Variants in AFG1L observed in about 807,000 individuals in gnomAD.
The protein encoded by AFG1L is AFG1-like ATPase.
A neutral mutation model predicts 62.2 loss-of-function variants in AFG1L; 53 were observed. The observed-to-expected ratio is 0.85, with a 90% CI of 0.68 to 1.07. The LOEUF is 1.07. AFG1L is among the 50% of genes least tolerant of loss of function. The pLI, the probability that AFG1L is intolerant of heterozygous loss-of-function variation, is 0.00. For synonymous variants in AFG1L, 228 were observed against 210.3 expected (o/e 1.08, Z -0.73); for missense variants, 555 against 590.5 (o/e 0.94, Z 0.62).
intron 8 of AFG1L, among the ~76,000 whole-genome samples, chr6:108,450,097 A>C (rs1017134418): frequency 6.6e-5 from 10 of 152,230 alleles, no homozygotes; most frequent in African/African-American, 1.7e-4. Context: ...CATGATTTAT[A>C]ATCCTTTGGG....
rs139833196 is a variant in AFG1L, at chr6:108,348,059, G to C, written c.415+1020G>C. Among the ~76,000 whole-genome samples, 1,383 of 152,014 alleles carry C rather than the reference G, an allele frequency of 9.1e-3. 23 individuals carry two copies. Among genetic ancestry groups the C allele is most frequent in the African/African-American group, 0.032 (1,330 of 41,448 alleles). On this transcript the variant is annotated intron_variant, in intron 3 of 12. Coordinates refer to ENST00000368977, the MANE Select transcript of AFG1L (RefSeq NM_145315.5). ...AAAAAAAAAGGGCATTGAATAAGTA[G>C]GTTTTGTTTTGTTTTTGTTTTTGTT...
intron 1 of AFG1L, among the ~76,000 whole-genome samples, chr6:108,312,552 G>C (rs1221785051): frequency 6.6e-6 from 1 of 151,986 alleles, no homozygotes; most frequent in Non-Finnish European, 1.5e-5. Context: ...GAGAGACCTT[G>C]TCTCTAAAAT....
At chr6:108,478,895 CG>C (rs148447223) in intron 10 of AFG1L, among the ~76,000 whole-genome samples, 1 of 151,902 alleles carries the variant, frequency 6.6e-6, no homozygotes, top group Admixed American at 6.6e-5. Context: ...ATTTACTGTC[CG>C]GGGGTGATGG....
intron 7 of AFG1L, among the ~76,000 whole-genome samples, chr6:108,437,555 G>A (rs898884584): frequency 6.6e-6 from 1 of 152,014 alleles, no homozygotes; most frequent in Non-Finnish European, 1.5e-5. Flanking sequence ...TATGAGATGA[G>A]CAGACATTTT....
At chr6:108,335,821 TATAA>T (rs894661586) in intron 2 of AFG1L, among the ~76,000 whole-genome samples, 3 of 152,248 alleles carry the variant, frequency 2.0e-5, no homozygotes, top group African/African-American at 7.2e-5. Flanking sequence ...CACAGGAACT[TATAA>T]ATGTTTGTGA....
intron 7 of AFG1L, among the ~76,000 whole-genome samples, chr6:108,438,615 T>C (rs890406175): frequency 2.0e-5 from 3 of 152,152 alleles, no homozygotes; most frequent in African/African-American, 7.2e-5. Flanking sequence ...AAAAAAAATA[T>C]TGCCTTGCCC....
intron 11 of AFG1L, among the ~76,000 whole-genome samples, chr6:108,514,357 A>G (rs1231863687): frequency 5.9e-5 from 9 of 152,322 alleles, no homozygotes; most frequent in East Asian, 5.8e-4. Flanking sequence ...ATTCTTAAAG[A>G]AAAGAATTTT....
chr6:108,523,306 C>G lies in AFG1L; in HGVS notation c.*881C>G, dbSNP rs2114925761. ...AGACACTTGCTCTCCTTGCAGCATG[C>G]TGCCCCCGCCCTTGCCGCCAACTCT... On this transcript the variant is annotated 3_prime_UTR_variant, in exon 13 of 13. Transcript: ENST00000368977. 1 of 152,456 alleles carries G rather than the reference C, an allele frequency of 6.6e-6. No homozygotes were observed. Among genetic ancestry groups the G allele is most frequent in the Non-Finnish European group, 1.5e-5 (1 of 68,140 alleles). The allele number at this position is 152,456 out of a possible 1,614,324, so 9.4% of individuals were successfully genotyped here. A position where few individuals can be genotyped will look rare whatever the true frequency, so the allele number is the denominator to read the frequency against.
intron 1 of AFG1L, among the ~76,000 whole-genome samples, chr6:108,311,483 CTTTTG>C (rs758496562): frequency 2.0e-5 from 3 of 152,018 alleles, no homozygotes; most frequent in Non-Finnish European, 4.4e-5. Flanking sequence ...TTGTGTCTAC[CTTTTG>C]TTTTGTTTTG....
At chr6:108,354,717 G>A (rs138381741) in intron 3 of AFG1L, among the ~76,000 whole-genome samples, 11 of 152,204 alleles carry the variant, frequency 7.2e-5, no homozygotes, top group African/African-American at 1.9e-4. Context: ...GGGATGGAAC[G>A]GGGTGACATG....
intron 7 of AFG1L, among the ~76,000 whole-genome samples, chr6:108,440,670 A>C (rs983288374): frequency 1.3e-5 from 2 of 151,584 alleles, no homozygotes; most frequent in Non-Finnish European, 2.9e-5. Flanking sequence ...AAATACAAAA[A>C]TTAGCCGGGC....
At chr6:108,443,495 GA>G (rs1771631896) in intron 7 of AFG1L, among the ~76,000 whole-genome samples, 1 of 152,210 alleles carries the variant, frequency 6.6e-6, no homozygotes, top group Non-Finnish European at 1.5e-5. Context: ...CACATTGTAA[GA>G]AGAACATGTT....
chr6:108,485,733 T>C (rs1365688797), intron 10 of AFG1L, among the ~76,000 whole-genome samples: 1 of 135,078 alleles, frequency 7.4e-6, no homozygotes, highest in Non-Finnish European at 1.5e-5. Context: ...TTCAGTGGTG[T>C]GATCACTGCT....
chr6:108,361,702 C>T (rs1779535895), intron 5 of AFG1L, among the ~76,000 whole-genome samples: 1 of 152,076 alleles, frequency 6.6e-6, no homozygotes, highest in Admixed American at 6.6e-5. Flanking sequence ...GTGTGGTTTC[C>T]CTCACACCCT....
chr6:108,456,900 A>G (rs1772274426), intron 8 of AFG1L, among the ~76,000 whole-genome samples: 3 of 152,170 alleles, frequency 2.0e-5, no homozygotes, highest in Admixed American at 2.0e-4. Flanking sequence ...TCAGTACAGT[A>G]AAATGCTGTA....
At chr6:108,338,908 A>G (rs979781475) in intron 2 of AFG1L, among the ~76,000 whole-genome samples, 1 of 152,140 alleles carries the variant, frequency 6.6e-6, no homozygotes, top group African/African-American at 2.4e-5. Flanking sequence ...TAGACAGAGT[A>G]GTCTTGCTGT....
intron 3 of AFG1L, among the ~76,000 whole-genome samples, chr6:108,351,055 G>T (rs1187408469): frequency 1.3e-5 from 2 of 152,148 alleles, no homozygotes. Context: ...AACAGAGAAG[G>T]TGCAGTAATA....
At chr6:108,355,790 T>C in intron 4 of AFG1L, 35 bp downstream of exon 4, 1 of 1,380,878 alleles carries the variant, frequency 7.2e-7, no homozygotes, top group East Asian at 2.3e-5. Context: ...ATTTTTTCAG[T>C]GGGGAAACGC....
Position 108,323,680 on chromosome 6 carries a change from T to G in AFG1L, c.140-145T>G, listed in dbSNP as rs1477135012. 9.8e-6 allele frequency: 6 copies of G among 610,322 alleles called. No homozygotes were observed. In the African/African-American group the frequency reaches 1.1e-4, roughly 11 times the overall value. 37.8% of individuals were successfully genotyped at this position (610,322 alleles called of 1,614,324 possible). ...CTGGCTGAAAATGTATTTTATATTA[T>G]TTTTATCAAAATGACATTTACAAAA... is the stretch of plus-strand genomic sequence containing the variant. On this transcript the variant is annotated intron_variant, in intron 1 of 12. Coordinates refer to ENST00000368977, the MANE Select transcript of AFG1L (RefSeq NM_145315.5).
Sources: gnomAD v4.1 joint callset for allele counts (sites outside exome capture counted in the v4.1 genomes callset) on GRCh38, gnomAD v4.1.1 for gene constraint, MANE v1.5 for transcripts, NCBI Gene and HGNC (gene_info 2026-07-23, HGNC 2026-07-21) for gene names.